ZNF609: variants seen among roughly 807,000 people sequenced by gnomAD.
The protein encoded by ZNF609 is zinc finger protein 609.
ZNF609 carries 11 observed loss-of-function variants against 109.5 expected under a neutral mutation model. The observed-to-expected ratio is 0.10, with a 90% CI of 0.06 to 0.17. ZNF609 has a LOEUF of 0.17. Among genes scored for constraint, ZNF609 ranks in the 10% least tolerant of loss-of-function variants. ZNF609 has a pLI of 1.00. For synonymous variants in ZNF609, 646 were observed against 662.0 expected, an observed-to-expected ratio of 0.98 and a Z score of 0.37; for missense variants, 1,559 against 1,772.4, an observed-to-expected ratio of 0.88 and a Z score of 2.16.
At chr15:64,478,707 T>C (rs2140335628) in intron 1 of ZNF609, among the ~76,000 whole-genome samples, 2 of 152,246 alleles carry the variant, frequency 1.3e-5, no homozygotes, top group Middle Eastern at 6.8e-3. Context: ...TGAACTCAGA[T>C]CCATACTAAG....
upstream of ZNF609, among the ~76,000 whole-genome samples, chr15:64,459,914 GAGA>G (rs1892913056): frequency 1.3e-5 from 2 of 152,180 alleles, no homozygotes; most frequent in South Asian, 2.1e-4. Context: ...TGGTGGGTTG[GAGA>G]AGGACAGAAT....
intron 2 of ZNF609, among the ~76,000 whole-genome samples, chr15:64,538,629 C>G (rs181709394): frequency 1.3e-5 from 2 of 152,158 alleles, no homozygotes; most frequent in Non-Finnish European, 2.9e-5. Flanking sequence ...TCACCGCAAC[C>G]TCCGCCTCCT....
intron 1 of ZNF609, among the ~76,000 whole-genome samples, chr15:64,474,887 A>G (rs1478995683): frequency 6.6e-6 from 1 of 152,116 alleles, no homozygotes; most frequent in Non-Finnish European, 1.5e-5. Context: ...TCAATATTCA[A>G]GGTTCTTTAT....
intron 2 of ZNF609, among the ~76,000 whole-genome samples, chr15:64,606,359 G>A (rs146736013): frequency 0.014 from 2,083 of 151,626 alleles, 15 homozygotes; most frequent in Non-Finnish European, 0.019. Context: ...AGGAGTTCAA[G>A]ATCATTTTGG....
chr15:64,498,641 C>T (rs906353744), intron 1 of ZNF609, among the ~76,000 whole-genome samples: 4 of 152,162 alleles, frequency 2.6e-5, no homozygotes, highest in African/African-American at 9.7e-5. Flanking sequence ...AAGGCTGTTT[C>T]AGCTTCTCTG....
chr15:64,474,924 A>G (rs140625808), intron 1 of ZNF609, among the ~76,000 whole-genome samples: 81 of 151,800 alleles, frequency 5.3e-4, no homozygotes, highest in Middle Eastern at 3.4e-3. Context: ...GCCTTCCTCA[A>G]CCTTATTTCA....
chr15:64,577,984 C>T (rs558641126), intron 2 of ZNF609, among the ~76,000 whole-genome samples: 12 of 150,594 alleles, frequency 8.0e-5, no homozygotes, highest in Non-Finnish European at 1.8e-4. Flanking sequence ...GTGAAACCCA[C>T]CCCCCTTCCC....
At chr15:64,508,195 A>G (rs1018201303) in intron 2 of ZNF609, among the ~76,000 whole-genome samples, 4 of 152,200 alleles carry the variant, frequency 2.6e-5, no homozygotes, top group Admixed American at 6.5e-5. Context: ...GCAAAGTTCT[A>G]TTATATTTTA....
chr15:64,673,263 C>T (rs1896762780), intron 4 of ZNF609, among the ~76,000 whole-genome samples: 1 of 152,146 alleles, frequency 6.6e-6, no homozygotes, highest in African/African-American at 2.4e-5. Context: ...CCCCCTGGAA[C>T]AAGAGAGTCA....
intron 1 of ZNF609, among the ~76,000 whole-genome samples, chr15:64,495,403 G>C (rs1382030265): frequency 1.3e-5 from 2 of 152,034 alleles, no homozygotes; most frequent in Admixed American, 1.3e-4. Flanking sequence ...TTTGCTGGTT[G>C]AATTTTTTCA....
At chr15:64,621,276 G>A (rs138839347) in intron 2 of ZNF609, among the ~76,000 whole-genome samples, 3 of 152,270 alleles carry the variant, frequency 2.0e-5, no homozygotes, top group Non-Finnish European at 2.9e-5. Context: ...TCAATCACTC[G>A]AGCATAATAG....
At chr15:64,636,400 T>C (rs920307367) in intron 3 of ZNF609, among the ~76,000 whole-genome samples, 3 of 152,220 alleles carry the variant, frequency 2.0e-5, no homozygotes, top group African/African-American at 4.8e-5. Context: ...TGTTTTCTCC[T>C]TAGGGTATCT....
At chr15:64,466,520 G>C (rs1419691222) in intron 1 of ZNF609, among the ~76,000 whole-genome samples, 1 of 152,164 alleles carries the variant, frequency 6.6e-6, no homozygotes, top group Non-Finnish European at 1.5e-5. Flanking sequence ...TGGAGTGAAG[G>C]CTCTTTGAGG....
chr15:64,666,991 G>A (rs1394689234), intron 3 of ZNF609, among the ~76,000 whole-genome samples: 1 of 152,132 alleles, frequency 6.6e-6, no homozygotes, highest in Non-Finnish European at 1.5e-5. Context: ...TTAGCCGGGT[G>A]TGGTGATGTG....
chr15:64,506,765 A>G (rs1893643944), intron 2 of ZNF609, among the ~76,000 whole-genome samples: 1 of 152,064 alleles, frequency 6.6e-6, no homozygotes, highest in Non-Finnish European at 1.5e-5. Context: ...TAGCTAATTC[A>G]TATAAAACAC....
chr15:64,684,086 C>G lies in ZNF609; in HGVS notation c.*2400C>G, dbSNP rs1020790955. 14 of 152,214 alleles carry G rather than the reference C, an allele frequency of 9.2e-5. No individual in the cohort carries two copies. Among genetic ancestry groups the G allele is most frequent in the African/African-American group, 3.4e-4 (14 of 41,438 alleles). The allele number at this position is 152,214 out of a possible 1,614,324, so 9.4% of individuals were successfully genotyped here. ...CAGGTGAAAGCCACCATGGCAGATC[C>G]TGATGCCTGCCGGGCCTAGTCTTCC... On this transcript the variant is annotated 3_prime_UTR_variant, in exon 10 of 10. Coordinates refer to ENST00000326648, the MANE Select transcript of ZNF609 (RefSeq NM_015042.2).
At chr15:64,593,451 C>A in intron 2 of ZNF609, 1 of 647,694 alleles carries the variant, frequency 1.5e-6, no homozygotes, top group South Asian at 1.9e-5. Flanking sequence ...AAAATGTTCA[C>A]GATGCAGTGA....
intron 9 of ZNF609, 77 bp downstream of exon 9, chr15:64,681,464 A>G (rs908879544): frequency 1.6e-6 from 2 of 1,250,216 alleles, no homozygotes; most frequent in African/African-American, 3.0e-5. Context: ...TCCCTAGGTG[A>G]GAAATAGCTA....
intron 2 of ZNF609, among the ~76,000 whole-genome samples, chr15:64,598,752 A>G (rs905738000): frequency 0.012 from 1,334 of 109,110 alleles, 16 homozygotes; most frequent in Middle Eastern, 0.018. Flanking sequence ...GTATATATAT[A>G]TATATATATA....
Sources: gnomAD v4.1 joint callset for allele counts (sites outside exome capture counted in the v4.1 genomes callset) on GRCh38, gnomAD v4.1.1 for gene constraint, MANE v1.5 for transcripts, NCBI Gene and HGNC (gene_info 2026-07-23, HGNC 2026-07-21) for gene names.